Variants in DNAH17 observed in about 807,000 individuals in gnomAD.
DNAH17 encodes axonemal beta dynein heavy chain 17.
DNAH17 carries 376 observed loss-of-function variants against 485.6 expected under a neutral mutation model. That is an observed-to-expected ratio of 0.77 (90% CI 0.71 to 0.84). The LOEUF is 0.84. Among genes scored for constraint, DNAH17 ranks in the 40% least tolerant of loss-of-function variants. The pLI, the probability that DNAH17 is intolerant of heterozygous loss-of-function variation, is 0.00. For missense variants in DNAH17, 6,370 were observed against 5,839.3 expected (o/e 1.09, Z -2.96); for synonymous variants, 3,031 against 2,405.9 (o/e 1.26, Z -7.60).
intron 51 of DNAH17, among the ~76,000 whole-genome samples, chr17:78,477,773 T>C (rs1328396467): frequency 1.3e-5 from 2 of 152,202 alleles, no homozygotes; most frequent in Admixed American, 1.3e-4. Flanking sequence ...ACCAAACTTA[T>C]GTGTTGTTGG....
At chr17:78,492,330 G>A (rs2089897228) in intron 42 of DNAH17, among the ~76,000 whole-genome samples, 1 of 152,124 alleles carries the variant, frequency 6.6e-6, no homozygotes, top group Non-Finnish European at 1.5e-5. Flanking sequence ...GGGCTCCCAT[G>A]CACTCCTCAC....
In DNAH17 at chr17:78,505,260, T is replaced by C. The variant is rs1216560289; in HGVS notation, c.4956+33A>G. ...CCACACGCGTGCTGCACCCTTGTCCTGGGTTCCCTGTGTGGTGTGCGCACA... is the reference window on the plus strand; with the variant it reads ...CCACACGCGTGCTGCACCCTTGTCCCGGGTTCCCTGTGTGGTGTGCGCACA... On this transcript the variant is annotated intron_variant, in intron 31 of 80. Coordinates refer to ENST00000389840, the MANE Select transcript of DNAH17 (RefSeq NM_173628.4). The C allele has an allele frequency of 2.5e-6, 4 of 1,612,478 alleles. No homozygotes were observed. In the Admixed American group the frequency reaches 6.7e-5, roughly 27 times the overall value.
intron 7 of DNAH17, among the ~76,000 whole-genome samples, 185 bp from the exon 8 acceptor site, chr17:78,569,712 C>T (rs2092322595): frequency 6.6e-6 from 1 of 152,238 alleles, no homozygotes. Context: ...GGCCCCTCAT[C>T]CTTTGCCAAG....
Position 78,561,985 on chromosome 17 carries a change from G to A in DNAH17, c.1570-5C>T, listed in dbSNP as rs1480748157. The A allele has an allele frequency of 1.9e-6, 3 of 1,574,060 alleles. No homozygotes were observed. Among genetic ancestry groups the A allele is most frequent in the Admixed American group, 3.7e-5 (2 of 54,216 alleles). Reference sequence around the variant, plus strand: ...GCCCCCACACATGTACAGGAGCTGAGGACAAAGGAGAAGGGGGCCTCTTCA... The same window carrying A: ...GCCCCCACACATGTACAGGAGCTGAAGACAAAGGAGAAGGGGGCCTCTTCA... On this transcript the variant is annotated splice_region_variant and splice_polypyrimidine_tract_variant and intron_variant, in intron 11 of 80. Coordinates refer to ENST00000389840, the MANE Select transcript of DNAH17 (RefSeq NM_173628.4).
In DNAH17 at chr17:78,461,713, G is replaced by A; in HGVS notation, c.9175-5C>T. 6.2e-7 allele frequency: 1 copy of A among 1,608,312 alleles called. No homozygotes were observed. The highest frequency in any genetic ancestry group is 1.3e-5 in the African/African-American group (1 of 74,818). On this transcript the variant is annotated splice_region_variant and splice_polypyrimidine_tract_variant and intron_variant, in intron 57 of 80. Transcript: ENST00000389840. ...CTTGGCTTTCAAATCATCCACCTGG[G>A]GAAGGAGAAACCGAGAAACAGCAAG...
intron 67 of DNAH17, 81 bp downstream of exon 67, chr17:78,450,601 C>T (rs2087504379): frequency 2.0e-6 from 3 of 1,520,118 alleles, no homozygotes; most frequent in Non-Finnish European, 1.8e-6. Flanking sequence ...TCTCCTTTCT[C>T]ATGGTAGGGA....
chr17:78,451,722 G>A (rs1348749885), intron 65 of DNAH17, 49 bp from the exon 66 acceptor site: 5 of 1,494,026 alleles, frequency 3.3e-6, no homozygotes, highest in Non-Finnish European at 4.5e-6. Flanking sequence ...GTGACCAGGG[G>A]AGAGGAACAC....
At chr17:78,488,303 G>T (rs1461012365) in intron 44 of DNAH17, among the ~76,000 whole-genome samples, 3 of 152,164 alleles carry the variant, frequency 2.0e-5, no homozygotes, top group Non-Finnish European at 4.4e-5. Flanking sequence ...CCCTGCCCCT[G>T]GCAGTTGCCT....
chr17:78,453,106 G>A (rs936301000), intron 65 of DNAH17, among the ~76,000 whole-genome samples: 2 of 152,232 alleles, frequency 1.3e-5, no homozygotes, highest in Non-Finnish European at 2.9e-5. Flanking sequence ...CTCCCCATCT[G>A]GAGGCCATCA....
intron 30 of DNAH17, 101 bp from the exon 31 acceptor site, chr17:78,505,546 G>A: frequency 6.9e-7 from 1 of 1,438,958 alleles, no homozygotes; most frequent in Non-Finnish European, 9.6e-7. Context: ...GTTCTTTTTG[G>A]AATATACTCC....
Position 78,543,972 on chromosome 17 carries a change from T to C in DNAH17, c.2417A>G (p.Glu806Gly). 1.9e-6 allele frequency: 3 copies of C among 1,614,030 alleles called. No individual in the cohort carries two copies. Among genetic ancestry groups the C allele is most frequent in the Non-Finnish European group, 2.5e-6 (3 of 1,179,892 alleles). ...GGCCTCTTTCTTATTGTCCTTTCTT[T>C]CAAACAGCGGGTTGGCCGACCAGTC... The part of the protein sequence containing the change: ...MKDWSANPLF[E>G]RKDNKKEALL... Residue 806 changes from glutamate (E) to glycine (G), a missense_variant, in exon 17 of 81, where the codon GAA becomes GGA. Physicochemically the swap from Glu to Gly is moderately conservative, Grantham distance 98. Coordinates refer to ENST00000389840, the MANE Select transcript of DNAH17 (RefSeq NM_173628.4).
intron 22 of DNAH17, among the ~76,000 whole-genome samples, chr17:78,528,441 A>G (rs1484274077): frequency 6.6e-6 from 1 of 152,056 alleles, no homozygotes; most frequent in African/African-American, 2.4e-5. Context: ...TTTTTTGTAG[A>G]GACAGGGTTT....
chr17:78,443,564 T>G (rs2087155513), intron 71 of DNAH17, among the ~76,000 whole-genome samples: 1 of 127,654 alleles, frequency 7.8e-6, no homozygotes, highest in Admixed American at 8.0e-5. Flanking sequence ...TTTATTTTTA[T>G]TTTGAGGCAG....
Position 78,561,775 on chromosome 17 carries a change from C to T in DNAH17, c.1775G>A (p.Ser592Asn), listed in dbSNP as rs754630303. Reference sequence around the variant, plus strand: ...CTCTAGCCTCTCCTGCAGCTCCAGGCTCCATTTGAGCTGCCCGGCCACGGG... The same window carrying T: ...CTCTAGCCTCTCCTGCAGCTCCAGGTTCCATTTGAGCTGCCCGGCCACGGG... Reference protein sequence around the residue: ...MPPVAGQLKWSLELQERLEVS... With the variant: ...MPPVAGQLKWNLELQERLEVS... Residue 592 changes from serine to asparagine, a missense_variant, in exon 12 of 81, where the codon AGC (serine) becomes AAC (asparagine). Ser to Asn is a conservative substitution (Grantham distance 46, BLOSUM62 1). Coordinates refer to ENST00000389840, the MANE Select transcript of DNAH17 (RefSeq NM_173628.4). The T allele has an allele frequency of 9.3e-6, 15 of 1,613,220 alleles. No individual in the cohort carries two copies. The highest frequency in any genetic ancestry group is 1.6e-4 in the Middle Eastern group (1 of 6,084).
chr17:78,432,237 C>T (rs1329465799), intron 75 of DNAH17, among the ~76,000 whole-genome samples: 1 of 151,616 alleles, frequency 6.6e-6, no homozygotes, highest in East Asian at 1.9e-4. Context: ...AAATTCTAGC[C>T]AGACTGTTTC....
intron 73 of DNAH17, among the ~76,000 whole-genome samples, chr17:78,438,311 G>T (rs184035695): frequency 9.5e-4 from 142 of 148,804 alleles, no homozygotes; most frequent in Admixed American, 4.9e-3. Flanking sequence ...TAGTGAGAAG[G>T]GGTCTTGGAT....
At position 78,434,023 on chromosome 17, in the gene DNAH17, C is replaced by T. The variant is rs770199357; in HGVS notation, c.12225+6G>A. ...GTCCAAGTACAGGGCACACACAGCC[C>T]CTCACCTTGGGGTTGGCCTCCAGGT... is the stretch of plus-strand genomic sequence containing the variant. On this transcript the variant is annotated splice_donor_region_variant and intron_variant, in intron 75 of 80. Coordinates refer to ENST00000389840, the MANE Select transcript of DNAH17 (RefSeq NM_173628.4). 6.3e-7 allele frequency: 1 copy of T among 1,575,068 alleles called. No homozygotes were observed. Among genetic ancestry groups the T allele is most frequent in the Non-Finnish European group, 8.6e-7 (1 of 1,160,012 alleles).
chr17:78,431,788 C>T (rs941844148), intron 75 of DNAH17, among the ~76,000 whole-genome samples: 24 of 152,094 alleles, frequency 1.6e-4, no homozygotes, highest in Non-Finnish European at 3.4e-4. Flanking sequence ...ATGTGGCAGC[C>T]GCTGATGTAC....
At chr17:78,476,842 T>C (rs2089051823) in intron 51 of DNAH17, 109 bp from the exon 52 acceptor site, 3 of 1,311,254 alleles carry the variant, frequency 2.3e-6, no homozygotes, top group East Asian at 2.5e-5. Flanking sequence ...CGAGGGGACC[T>C]GTTCAGCTGT....
Sources: gnomAD v4.1 joint callset for allele counts (sites outside exome capture counted in the v4.1 genomes callset) on GRCh38, gnomAD v4.1.1 for gene constraint, MANE v1.5 for transcripts, NCBI Gene and HGNC (gene_info 2026-07-23, HGNC 2026-07-21) for gene names.